Variants in PGAM5 observed in about 807,000 individuals in gnomAD.
PGAM5 encodes serine/threonine-protein phosphatase PGAM5, mitochondrial.
Under a neutral mutation model 30.6 loss-of-function variants are expected in PGAM5, and 25 were observed. That is an observed-to-expected ratio of 0.82 (90% CI 0.60 to 1.14). The LOEUF is 1.14. Ranked by LOEUF, PGAM5 falls within the 50% of genes most tolerant of loss-of-function variation. PGAM5 has a pLI of 0.00. For synonymous variants in PGAM5, 201 were observed against 179.1 expected, an observed-to-expected ratio of 1.12 and a Z score of -0.98; for missense variants, 384 against 408.5, an observed-to-expected ratio of 0.94 and a Z score of 0.52.
intron 4 of PGAM5, 55 bp downstream of exon 4, chr12:132,717,853 G>C: frequency 6.3e-7 from 1 of 1,583,974 alleles, no homozygotes; most frequent in Non-Finnish European, 8.6e-7. Flanking sequence ...TGGGCAAAGC[G>C]GCCCTGCTGG....
chr12:132,716,526 G>C (rs537790223), intron 2 of PGAM5, among the ~76,000 whole-genome samples: 125 of 152,284 alleles, frequency 8.2e-4, no homozygotes, highest in African/African-American at 3.0e-3. Context: ...ACCGCGCCCG[G>C]CCTGGCCTCT....
In PGAM5 at chr12:132,718,136, G is replaced by A. The variant is rs1449801149; in HGVS notation, c.719+16G>A. 1.2e-6 allele frequency: 2 copies of A among 1,612,174 alleles called. No homozygotes were observed. The highest frequency in any genetic ancestry group is 1.3e-5 in the African/African-American group (1 of 74,844). ...TCGTGTGCAGGTAGGCAGCTGCTGG[G>A]CTGGGCGTGGTCTAAAATAATTTCA... On this transcript the variant is annotated intron_variant, in intron 5 of 5. Coordinates refer to ENST00000498926, the MANE Select transcript of PGAM5 (RefSeq NM_001170543.2).
At chr12:132,716,550 CT>C (rs1274454267) in intron 2 of PGAM5, among the ~76,000 whole-genome samples, 2 of 151,770 alleles carry the variant, frequency 1.3e-5, no homozygotes, top group African/African-American at 4.8e-5. Flanking sequence ...TCTTAATGCC[CT>C]GTTGAACAGG....
chr12:132,718,656 C>G (rs2043612196), intron 5 of PGAM5: 2 of 1,261,612 alleles, frequency 1.6e-6, no homozygotes, highest in Non-Finnish European at 2.3e-6. Flanking sequence ...ACGGTGCATG[C>G]TGGGCGTCCG....
At chr12:132,715,943 C>A (rs567807593) in intron 2 of PGAM5, among the ~76,000 whole-genome samples, 1 of 152,330 alleles carries the variant, frequency 6.6e-6, no homozygotes, top group Non-Finnish European at 1.5e-5. Context: ...AGACCAAATG[C>A]AGTGCATATC....
At chr12:132,711,854 T>C (rs1285260728) in intron 1 of PGAM5, among the ~76,000 whole-genome samples, 2 of 152,202 alleles carry the variant, frequency 1.3e-5, no homozygotes, top group African/African-American at 4.8e-5. Context: ...TTTTAGCATA[T>C]TGAATTAAAA....
rs1366387786 is a variant in PGAM5, at chr12:132,720,695, C to A, written c.737C>A (p.Pro246His). ...CTCCCCAGAGCACTGCAGTTTCCTC[C>A]TGAAGGCTGGCTCCGGCTCTCCCTC... is the stretch of plus-strand genomic sequence containing the variant. ...YIVCRALQFP[P>H]EGWLRLSLNN... The change falls in exon 6 of 6, where the codon CCT (proline) becomes CAT (histidine). Residue 246 changes from proline (P) to histidine (H), a missense_variant. Pro to His is a moderately conservative substitution (Grantham distance 77, BLOSUM62 -2). Transcript: ENST00000498926. 6.5e-7 allele frequency: 1 copy of A among 1,536,180 alleles called. No homozygotes were observed. The highest frequency in any genetic ancestry group is 8.7e-7 in the Non-Finnish European group (1 of 1,146,772).
In PGAM5 at chr12:132,718,074, G is replaced by A. The variant is rs367661946; in HGVS notation, c.673G>A (p.Glu225Lys). 24 of 1,612,684 alleles carry A rather than the reference G, an allele frequency of 1.5e-5. No homozygotes were observed. The highest frequency in any genetic ancestry group is 3.3e-5 in the Admixed American group (2 of 59,988). ...TGCCAGGCAGGAGGAGGACAGTTAC[G>A]AGATCTTCATCTGTCACGCCAACGT... The part of the protein sequence containing the change: ...ADARQEEDSY[E>K]IFICHANVIR... The change falls in exon 5 of 6, where the codon GAG (glutamate) becomes AAG (lysine). Residue 225 changes from glutamate to lysine, a missense_variant. By Grantham distance (56) the Glu-to-Lys change is moderately conservative (BLOSUM62 1). Coordinates refer to ENST00000498926, the MANE Select transcript of PGAM5 (RefSeq NM_001170543.2).
rs1480725707 is a variant in PGAM5 at position 132,720,825 on chromosome 12, C to G, written c.867C>G (p.Ser289=). 6.5e-7 allele frequency: 1 copy of G among 1,536,020 alleles called. No homozygotes were observed. The highest frequency in any genetic ancestry group is 2.0e-5 in the Admixed American group (1 of 50,954). The change falls in exon 6 of 6, where the codon TCC becomes TCG. Residue 289 remains serine, a synonymous_variant. Transcript: ENST00000498926. ...TGCCTCCCGACAAGATCACTCGATC[C>G]TGAGGGCTCCGGCCTCTCCTTCCCT... The part of the protein sequence containing the change: ...GFMPPDKITR[S]
chr12:132,714,078 C>T (rs776447538), intron 1 of PGAM5, among the ~76,000 whole-genome samples: 1 of 152,172 alleles, frequency 6.6e-6, no homozygotes, highest in South Asian at 2.1e-4. Flanking sequence ...AGTGCAGTGG[C>T]ACGATCTCGG....
intron 5 of PGAM5, chr12:132,718,826 G>A: frequency 6.2e-7 from 1 of 1,613,430 alleles, no homozygotes; most frequent in Non-Finnish European, 8.5e-7. Context: ...TTCACTTGCT[G>A]ATCTGTGGGC....
chr12:132,720,632 C>T lies in PGAM5; in HGVS notation c.720-46C>T, dbSNP rs539497621. 3.3e-6 allele frequency: 5 copies of T among 1,510,662 alleles called. No individual in the cohort carries two copies. In the African/African-American group the frequency reaches 6.9e-5, roughly 21 times the overall value. The allele number at this position is 1,510,662 out of a possible 1,614,324, so 93.6% of individuals were successfully genotyped here. On this transcript the variant is annotated intron_variant, in intron 5 of 5. Coordinates refer to ENST00000498926, the MANE Select transcript of PGAM5 (RefSeq NM_001170543.2). Reference sequence around the variant, plus strand: ...AGCTCAGCCCGTTTTAAGGACAGAGCCCCCTGGCTCTAACGTGCTCTTTCT... The same window carrying T: ...AGCTCAGCCCGTTTTAAGGACAGAGTCCCCTGGCTCTAACGTGCTCTTTCT...
In PGAM5 at chr12:132,721,099, C is replaced by T; in HGVS notation, c.*271C>T. On this transcript the variant is annotated 3_prime_UTR_variant, in exon 6 of 6. Transcript: ENST00000498926. ...GCCTGTTGTGGGGACTTGAAAGAGGCCTGACCCAGACCACCATGTTCGCAC... is the reference window on the plus strand; with the variant it reads ...GCCTGTTGTGGGGACTTGAAAGAGGTCTGACCCAGACCACCATGTTCGCAC... The T allele has an allele frequency of 6.3e-6, 2 of 316,422 alleles. No homozygotes were observed. Among genetic ancestry groups the T allele is most frequent in the Non-Finnish European group, 1.2e-5 (2 of 170,164 alleles). 19.6% of individuals were successfully genotyped at this position (316,422 alleles called of 1,614,324 possible).
At chr12:132,713,853 G>A (rs1411685908) in intron 1 of PGAM5, among the ~76,000 whole-genome samples, 1 of 151,588 alleles carries the variant, frequency 6.6e-6, no homozygotes, top group Non-Finnish European at 1.5e-5. Context: ...TGTTTTTGTA[G>A]AGACGGGGTC....
At chr12:132,719,728 G>A (rs917736615) in intron 5 of PGAM5, among the ~76,000 whole-genome samples, 16 of 152,352 alleles carry the variant, frequency 1.1e-4, no homozygotes, top group African/African-American at 3.4e-4. Flanking sequence ...GTGCTGTTCC[G>A]GCCGGTGCCG....
At chr12:132,718,616 G>A (rs1403774805) in intron 5 of PGAM5, 3 of 732,346 alleles carry the variant, frequency 4.1e-6, no homozygotes, top group Non-Finnish European at 7.0e-6. Flanking sequence ...TGTCCTGGGT[G>A]GGGTGCGTGC....
intron 1 of PGAM5, among the ~76,000 whole-genome samples, chr12:132,713,921 G>A (rs1204268446): frequency 2.0e-5 from 3 of 151,912 alleles, no homozygotes; most frequent in Non-Finnish European, 2.9e-5. Context: ...TGCCCACCTC[G>A]GCCTCCCAAA....
chr12:132,711,304 C>T (rs992794543), intron 1 of PGAM5: 1 of 282,936 alleles, frequency 3.5e-6, no homozygotes, highest in Non-Finnish European at 6.5e-6. Context: ...TCGCCCTTCT[C>T]CCCGCCCCTG....
intron 4 of PGAM5, 84 bp from the exon 5 acceptor site, chr12:132,717,903 C>T: frequency 5.6e-6 from 9 of 1,599,276 alleles, no homozygotes; most frequent in African/African-American, 1.3e-5. Flanking sequence ...CCACGGGCTT[C>T]CCCGGGCGGC....
Sources: gnomAD v4.1 joint callset for allele counts (sites outside exome capture counted in the v4.1 genomes callset) on GRCh38, gnomAD v4.1.1 for gene constraint, MANE v1.5 for transcripts, NCBI Gene and HGNC (gene_info 2026-07-23, HGNC 2026-07-21) for gene names.